MYO16: variants seen among roughly 807,000 people sequenced by gnomAD.
The protein encoded by MYO16 is myosin XVI.
Under a neutral mutation model 205.3 loss-of-function variants are expected in MYO16, and 94 were observed. That is an observed-to-expected ratio of 0.46 (90% CI 0.39 to 0.54). The LOEUF is 0.54. Ranked by LOEUF, MYO16 falls within the 20% of genes least tolerant of loss-of-function variation. MYO16 has a pLI of 0.00. For missense variants in MYO16, 2,315 were observed against 2,387.5 expected, an observed-to-expected ratio of 0.97 and a Z score of 0.63; for synonymous variants, 988 against 954.0, an observed-to-expected ratio of 1.04 and a Z score of -0.66.
At chr13:108,606,391 G>T (rs959188950) in intron 1 of MYO16, among the ~76,000 whole-genome samples, 12 of 152,252 alleles carry the variant, frequency 7.9e-5, no homozygotes, top group African/African-American at 2.9e-4. Flanking sequence ...CTTTCTCTGT[G>T]CAGTCTCAGG....
intron 4 of MYO16, among the ~76,000 whole-genome samples, chr13:108,768,596 A>C (rs934645175): frequency 6.6e-6 from 1 of 152,212 alleles, no homozygotes; most frequent in Non-Finnish European, 1.5e-5. Context: ...CCAAGATCTT[A>C]ATATGCTAAC....
intron 2 of MYO16, among the ~76,000 whole-genome samples, chr13:108,680,592 C>T (rs546603535): frequency 3.3e-5 from 5 of 152,302 alleles, no homozygotes; most frequent in African/African-American, 1.2e-4. Flanking sequence ...AAGAATGCCA[C>T]TTTTTAAAAC....
chr13:109,114,815 G>A (rs2139746395), intron 28 of MYO16, among the ~76,000 whole-genome samples: 1 of 152,208 alleles, frequency 6.6e-6, no homozygotes, highest in South Asian at 2.1e-4. Context: ...AACAATTACT[G>A]ATTGTATTTT....
At chr13:108,824,764 A>T (rs946312311) in intron 9 of MYO16, among the ~76,000 whole-genome samples, 1 of 152,108 alleles carries the variant, frequency 6.6e-6, no homozygotes, top group Non-Finnish European at 1.5e-5. Flanking sequence ...AAATAATTAA[A>T]AGGAAATATT....
chr13:108,839,211 C>T (rs1594334171), intron 9 of MYO16, among the ~76,000 whole-genome samples: 1 of 152,016 alleles, frequency 6.6e-6, no homozygotes, highest in South Asian at 2.1e-4. Flanking sequence ...ATCAGTCCCA[C>T]TCCCATTAAT....
intron 27 of MYO16, among the ~76,000 whole-genome samples, chr13:109,100,482 A>C (rs1399052607): frequency 6.6e-6 from 1 of 152,194 alleles, no homozygotes; most frequent in Non-Finnish European, 1.5e-5. Context: ...CTACTGGATT[A>C]ATTTTCATTC....
At chr13:108,547,684 A>G in the MYO16 span, among the ~76,000 whole-genome samples, 1 of 152,364 alleles carries the variant, frequency 6.6e-6, no homozygotes, top group East Asian at 1.9e-4. Context: ...GCTTACAAAT[A>G]AAAATGGTGG....
chr13:108,888,299 TC>T, intron 13 of MYO16, 72 bp from the exon 14 acceptor site: 1 of 1,069,958 alleles, frequency 9.3e-7, no homozygotes, highest in South Asian at 1.6e-5. Flanking sequence ...CAAAGTAGTT[TC>T]AAAGGAACAA....
At chr13:108,872,976 T>C (rs1485144711) in intron 12 of MYO16, among the ~76,000 whole-genome samples, 1 of 152,182 alleles carries the variant, frequency 6.6e-6, no homozygotes, top group East Asian at 1.9e-4. Context: ...AGATATTAGG[T>C]TGCTGCAAGG....
chr13:108,734,275 CA>C (rs1277659058), intron 4 of MYO16, among the ~76,000 whole-genome samples: 8 of 151,366 alleles, frequency 5.3e-5, no homozygotes, highest in African/African-American at 1.7e-4. Flanking sequence ...TAAATAAAGA[CA>C]AAAGCATTGC....
chr13:108,972,245 CTCTCTA>C (rs1449444922), intron 20 of MYO16, among the ~76,000 whole-genome samples: 1 of 8,606 alleles, frequency 1.2e-4, no homozygotes, highest in Non-Finnish European at 2.5e-4. Flanking sequence ...CTCTCTCTCT[CTCTCTA>C]TATATATATA....
At chr13:109,142,629 T>C (rs1027387018) in intron 32 of MYO16, among the ~76,000 whole-genome samples, 3 of 152,272 alleles carry the variant, frequency 2.0e-5, no homozygotes, top group Non-Finnish European at 2.9e-5. Flanking sequence ...TGTGTACAAA[T>C]GCAACTCTAT....
chr13:108,706,472 C>A (rs185937303), intron 2 of MYO16, among the ~76,000 whole-genome samples: 4 of 152,228 alleles, frequency 2.6e-5, no homozygotes, highest in South Asian at 4.1e-4. Flanking sequence ...GTTTTCAGAA[C>A]AAATTCAAGA....
intron 32 of MYO16, among the ~76,000 whole-genome samples, chr13:109,154,521 TC>T (rs1188583784): frequency 6.6e-6 from 1 of 152,214 alleles, no homozygotes; most frequent in African/African-American, 2.4e-5. Flanking sequence ...CTGTAATTTT[TC>T]TTTTTCTTTC....
intron 1 of MYO16, among the ~76,000 whole-genome samples, chr13:108,642,786 G>A (rs1880567189): frequency 6.6e-6 from 1 of 152,086 alleles, no homozygotes; most frequent in Non-Finnish European, 1.5e-5. Context: ...CTGTTCACAA[G>A]ACTTCTTTTC....
the MYO16 span, among the ~76,000 whole-genome samples, chr13:108,542,667 G>T: frequency 6.6e-6 from 1 of 151,990 alleles, no homozygotes; most frequent in Non-Finnish European, 1.5e-5. Flanking sequence ...ATATAAATGT[G>T]GCTATTGATG....
intron 12 of MYO16, among the ~76,000 whole-genome samples, chr13:108,877,036 A>G (rs1292976994): frequency 6.6e-6 from 1 of 152,174 alleles, no homozygotes; most frequent in African/African-American, 2.4e-5. Flanking sequence ...CATCTTGAAA[A>G]TTTGAGACCT....
intron 23 of MYO16, among the ~76,000 whole-genome samples, chr13:109,022,224 AT>A (rs1156652440): frequency 7.5e-6 from 1 of 133,360 alleles, no homozygotes; most frequent in Non-Finnish European, 1.5e-5. Flanking sequence ...ATATTTATAT[AT>A]TATATATATG....
chr13:108,832,625 G>A lies in MYO16; in HGVS notation c.1097+9347G>A, dbSNP rs188255883. On this transcript the variant is annotated intron_variant, in intron 9 of 34. Transcript: ENST00000457511. ...AGTTGGCACCTTAAGTTCTACTTTC[G>A]CAGAATCAGAAAACTGTGGCATAAA... Among the ~76,000 whole-genome samples, 308 of 152,128 alleles carry A rather than the reference G, an allele frequency of 2.0e-3. 2 individuals carry two copies. Among genetic ancestry groups the A allele is most frequent in the African/African-American group, 6.9e-3 (288 of 41,482 alleles).
Sources: gnomAD v4.1 joint callset for allele counts (sites outside exome capture counted in the v4.1 genomes callset) on GRCh38, gnomAD v4.1.1 for gene constraint, MANE v1.5 for transcripts, NCBI Gene and HGNC (gene_info 2026-07-23, HGNC 2026-07-21) for gene names.